Variants in ARHGAP24 observed in about 807,000 individuals in gnomAD.
ARHGAP24 encodes rho GTPase-activating protein 24.
A neutral mutation model predicts 76.4 loss-of-function variants in ARHGAP24; 50 were observed. The observed-to-expected ratio is 0.65, with a 90% CI of 0.52 to 0.83. The LOEUF is 0.83. ARHGAP24 is among the 40% of genes least tolerant of loss of function. The pLI, the probability that ARHGAP24 is intolerant of heterozygous loss-of-function variation, is 0.00. For synonymous variants in ARHGAP24, 345 were observed against 323.3 expected (o/e 1.07, Z -0.72); for missense variants, 930 against 914.2 (o/e 1.02, Z -0.22).
At position 85,696,233 on chromosome 4, in the gene ARHGAP24, T is replaced by C. The variant is rs1023240228; in HGVS notation, c.181-25652T>C. 5.4e-4 allele frequency among the ~76,000 whole-genome samples: 82 copies of C among 152,062 alleles called. 1 individual carries two copies. Among genetic ancestry groups the C allele is most frequent in the African/African-American group, 1.9e-3 (78 of 41,430 alleles). On this transcript the variant is annotated intron_variant, in intron 2 of 9. Coordinates refer to ENST00000395184, the MANE Select transcript of ARHGAP24 (RefSeq NM_001025616.3). ...TTCCTGATTCATCATCAGCTTTTATTAGTGTTTTATTAGGATCCAACAGCT... is the reference window on the plus strand; with the variant it reads ...TTCCTGATTCATCATCAGCTTTTATCAGTGTTTTATTAGGATCCAACAGCT...
At chr4:85,542,882 G>A (rs1725758041) in intron 1 of ARHGAP24, among the ~76,000 whole-genome samples, 1 of 152,162 alleles carries the variant, frequency 6.6e-6, no homozygotes, top group African/African-American at 2.4e-5. Flanking sequence ...GACCATCTGT[G>A]AAATAGGGAT....
chr4:85,905,282 A>G (rs1181613391), intron 3 of ARHGAP24, among the ~76,000 whole-genome samples: 2 of 152,114 alleles, frequency 1.3e-5, no homozygotes, highest in African/African-American at 4.8e-5. Context: ...GCATTTTTTT[A>G]AGTCATACGG....
intron 2 of ARHGAP24, among the ~76,000 whole-genome samples, chr4:85,616,891 G>A (rs1349478845): frequency 6.6e-6 from 1 of 152,060 alleles, no homozygotes; most frequent in East Asian, 1.9e-4. Context: ...GCCTCCCAAA[G>A]TCATGGGATT....
rs145400585 is a variant in ARHGAP24, at chr4:85,714,908, G to T, written c.181-6977G>T. 5.0e-3 allele frequency among the ~76,000 whole-genome samples: 764 copies of T among 152,180 alleles called. 4 individuals carry two copies. The highest frequency in any genetic ancestry group is 0.017 in the African/African-American group (724 of 41,528). On this transcript the variant is annotated intron_variant, in intron 2 of 9. Transcript: ENST00000395184. ...TGATTAGAAAGAGGAACATAAATTGGCTTAACAGCTAATGGTAAATCCTTA... is the reference window on the plus strand; with the variant it reads ...TGATTAGAAAGAGGAACATAAATTGTCTTAACAGCTAATGGTAAATCCTTA...
chr4:85,930,255 T>C, intron 4 of ARHGAP24: 1 of 985,534 alleles, frequency 1.0e-6, no homozygotes, highest in Non-Finnish European at 1.2e-6. Flanking sequence ...TCGACTGTTC[T>C]GACGTTGTGA....
intron 2 of ARHGAP24, among the ~76,000 whole-genome samples, chr4:85,572,676 TG>T (rs1269155977): frequency 6.6e-6 from 1 of 152,120 alleles, no homozygotes; most frequent in Non-Finnish European, 1.5e-5. Context: ...TACTAGTATT[TG>T]TAGACTTACT....
intron 3 of ARHGAP24, among the ~76,000 whole-genome samples, chr4:85,749,833 C>T (rs2110065855): frequency 6.6e-6 from 1 of 152,296 alleles, no homozygotes; most frequent in South Asian, 2.1e-4. Context: ...TCCCAAAGTG[C>T]TGGGATTACA....
intron 2 of ARHGAP24, among the ~76,000 whole-genome samples, chr4:85,704,438 A>G (rs1724220460): frequency 6.6e-6 from 1 of 152,148 alleles, no homozygotes; most frequent in Non-Finnish European, 1.5e-5. Flanking sequence ...ATTATCTTAT[A>G]AGATAGTTTT....
At chr4:85,814,217 A>G (rs1729139416) in intron 3 of ARHGAP24, among the ~76,000 whole-genome samples, 1 of 152,152 alleles carries the variant, frequency 6.6e-6, no homozygotes, top group Admixed American at 6.5e-5. Flanking sequence ...GCCAAACCAT[A>G]TCATTCCACC....
At chr4:85,635,274 AC>A in intron 2 of ARHGAP24, among the ~76,000 whole-genome samples, 1 of 144,622 alleles carries the variant, frequency 6.9e-6, no homozygotes, top group South Asian at 2.2e-4. Context: ...ATAGTTACCC[AC>A]TTTTTTTTTA....
At chr4:85,753,662 AG>A (rs1726354687) in intron 3 of ARHGAP24, among the ~76,000 whole-genome samples, 1 of 152,190 alleles carries the variant, frequency 6.6e-6, no homozygotes, top group African/African-American at 2.4e-5. Flanking sequence ...TTTTGAAAAG[AG>A]GAATGCTCCC....
chr4:85,509,836 T>C (rs1724206327), intron 1 of ARHGAP24, among the ~76,000 whole-genome samples: 1 of 152,036 alleles, frequency 6.6e-6, no homozygotes, highest in African/African-American at 2.4e-5. Context: ...AATATATACT[T>C]ATAAATGGAA....
At chr4:85,730,332 T>C (rs756763827) in intron 3 of ARHGAP24, among the ~76,000 whole-genome samples, 3 of 152,208 alleles carry the variant, frequency 2.0e-5, no homozygotes, top group Non-Finnish European at 4.4e-5. Context: ...TATTCTGAGA[T>C]TGAAGCAACT....
intron 3 of ARHGAP24, among the ~76,000 whole-genome samples, chr4:85,863,407 T>G (rs887457399): frequency 1.3e-4 from 20 of 152,116 alleles, no homozygotes; most frequent in African/African-American, 4.8e-4. Flanking sequence ...ATTTAATTAC[T>G]TGATATTATA....
intron 3 of ARHGAP24, among the ~76,000 whole-genome samples, chr4:85,908,906 C>T (rs1734919446): frequency 1.3e-5 from 2 of 151,850 alleles, no homozygotes; most frequent in South Asian, 4.2e-4. Flanking sequence ...AGTTTTAATG[C>T]TCAGGATGTT....
intron 3 of ARHGAP24, among the ~76,000 whole-genome samples, chr4:85,767,814 C>G (rs894419221): frequency 6.6e-6 from 1 of 152,098 alleles, no homozygotes; most frequent in Admixed American, 6.6e-5. Flanking sequence ...AACTCTGTTA[C>G]CCTGTTTTTG....
intron 2 of ARHGAP24, among the ~76,000 whole-genome samples, chr4:85,708,905 A>T (rs1018136296): frequency 2.6e-5 from 4 of 152,180 alleles, no homozygotes; most frequent in African/African-American, 9.7e-5. Flanking sequence ...CACATGCCTT[A>T]TTTAATTTTA....
intron 3 of ARHGAP24, chr4:85,828,100 A>C (rs1729808694): frequency 3.0e-6 from 2 of 665,626 alleles, no homozygotes; most frequent in South Asian, 2.9e-5. Flanking sequence ...GTGCGGTTTT[A>C]TTTATACCCT....
intron 2 of ARHGAP24, among the ~76,000 whole-genome samples, chr4:85,667,388 A>C (rs1722670134): frequency 6.6e-6 from 1 of 152,174 alleles, no homozygotes; most frequent in Non-Finnish European, 1.5e-5. Context: ...CCGATTTTCC[A>C]GGTGCCATCT....
Sources: gnomAD v4.1 joint callset for allele counts (sites outside exome capture counted in the v4.1 genomes callset) on GRCh38, gnomAD v4.1.1 for gene constraint, MANE v1.5 for transcripts, NCBI Gene and HGNC (gene_info 2026-07-23, HGNC 2026-07-21) for gene names.